GSAP: variants seen among roughly 807,000 people sequenced by gnomAD.
GSAP encodes the protein gamma-secretase-activating protein.
Under a neutral mutation model 131.7 loss-of-function variants are expected in GSAP, and 118 were observed. That is an observed-to-expected ratio of 0.90 (90% CI 0.77 to 1.04). The LOEUF (loss-of-function observed/expected upper bound fraction) is 1.04, where lower values mean the gene tolerates loss of function less well. Ranked by LOEUF, GSAP falls within the 50% of genes least tolerant of loss-of-function variation. The pLI, the probability that GSAP is intolerant of heterozygous loss-of-function variation, is 0.00. For missense variants in GSAP, 1,019 were observed against 1,013.2 expected, an observed-to-expected ratio of 1.01 and a Z score of -0.08; for synonymous variants, 381 against 363.4, an observed-to-expected ratio of 1.05 and a Z score of -0.55.
Position 77,397,405 on chromosome 7 carries a change from G to A in GSAP, c.254C>T (p.Thr85Ile), listed in dbSNP as rs1325993822. 2 of 1,571,770 alleles carry A rather than the reference G, an allele frequency of 1.3e-6. No homozygotes were observed. The highest frequency in any genetic ancestry group is 1.1e-5 in the South Asian group (1 of 87,644). The change falls in exon 4 of 31, where the codon ACC becomes ATC. Residue 85 changes from threonine to isoleucine, a missense_variant. Thr to Ile is a moderately conservative substitution (Grantham distance 89, BLOSUM62 -1). Coordinates refer to ENST00000257626, the MANE Select transcript of GSAP (RefSeq NM_017439.4). ...GAAAACTTGCAAGTCTTTCTCAAAG[G>A]TATATAGAAGCTATTAAAACAAAAA... is the stretch of plus-strand genomic sequence containing the variant. ...CQTRQNELLYTFEKDLQVFSC... is the reference protein window; with the variant it reads ...CQTRQNELLYIFEKDLQVFSC...
chr7:77,385,836 T>C (rs1469531831), intron 6 of GSAP, among the ~76,000 whole-genome samples: 3 of 152,060 alleles, frequency 2.0e-5, no homozygotes, highest in Non-Finnish European at 2.9e-5. Flanking sequence ...TGGTAATAGC[T>C]TGGGGGACAA....
At chr7:77,339,121 G>T (rs1055125216) in intron 19 of GSAP, among the ~76,000 whole-genome samples, 3 of 152,172 alleles carry the variant, frequency 2.0e-5, no homozygotes, top group Non-Finnish European at 4.4e-5. Flanking sequence ...AGTATGGCAA[G>T]AACAGTCACA....
At chr7:77,387,670 A>G (rs1458008856) in intron 5 of GSAP, among the ~76,000 whole-genome samples, 2 of 152,134 alleles carry the variant, frequency 1.3e-5, no homozygotes, top group Non-Finnish European at 2.9e-5. Context: ...ACCCCAAAAG[A>G]GCAATCAGCC....
intron 1 of GSAP, among the ~76,000 whole-genome samples, chr7:77,413,668 T>C (rs1216043014): frequency 6.6e-6 from 1 of 152,184 alleles, no homozygotes; most frequent in African/African-American, 2.4e-5. Context: ...ATTTTGCCCA[T>C]ACATATAGGC....
Position 77,339,757 on chromosome 7 carries a change from A to C in GSAP, c.1546-9390T>G, listed in dbSNP as rs1040582540. Among the ~76,000 whole-genome samples, 6 of 152,226 alleles carry C rather than the reference A, an allele frequency of 3.9e-5. No individual in the cohort carries two copies. In the East Asian group the frequency reaches 9.6e-4, roughly 24 times the overall value. On this transcript the variant is annotated intron_variant, in intron 19 of 30. Coordinates refer to ENST00000257626, the MANE Select transcript of GSAP (RefSeq NM_017439.4). ...AAACAAACAAGCCAGTGCAAAAAAG[A>C]AGCGACTTTGTTCCTAAGCAAAGCT...
intron 19 of GSAP, among the ~76,000 whole-genome samples, chr7:77,340,753 G>T (rs1790792018): frequency 6.6e-6 from 1 of 152,098 alleles, no homozygotes; most frequent in Non-Finnish European, 1.5e-5. Flanking sequence ...ATCACCGTGG[G>T]GATGCCTGCC....
chr7:77,383,348 G>A (rs1231694817), intron 6 of GSAP, among the ~76,000 whole-genome samples: 1 of 150,910 alleles, frequency 6.6e-6, no homozygotes, highest in Non-Finnish European at 1.5e-5. Context: ...ACACACAGAG[G>A]TCGATATAGT....
chr7:77,312,024 T>C, intron 29 of GSAP, 77 bp downstream of exon 29: 1 of 1,173,850 alleles, frequency 8.5e-7, no homozygotes, highest in Non-Finnish European at 1.3e-6. Flanking sequence ...CTGTAATTGC[T>C]GTCCATACAG....
At chr7:77,348,075 G>A (rs1048979891) in intron 19 of GSAP, among the ~76,000 whole-genome samples, 3 of 151,884 alleles carry the variant, frequency 2.0e-5, no homozygotes, top group African/African-American at 4.8e-5. Flanking sequence ...AGGCTGAGAC[G>A]GGAGGATTGC....
Position 77,323,721 on chromosome 7 carries a change from G to T in GSAP, c.1849C>A (p.His617Asn). 1.9e-6 allele frequency: 3 copies of T among 1,593,414 alleles called. No homozygotes were observed. The highest frequency in any genetic ancestry group is 2.6e-6 in the Non-Finnish European group (3 of 1,163,272). ...MGLMVSELKD[H>N]FLRHLQGVEK... is the part of the protein sequence containing the mutation. ...ACACCCTGTAGGTGTCTCAAAAAAT[G>T]GTCTTTTAGCTCAGACACCATCTGA... The change falls in exon 24 of 31, where the codon CAT becomes AAT. Residue 617 changes from histidine (H) to asparagine (N), a missense_variant. Coordinates refer to ENST00000257626, the MANE Select transcript of GSAP (RefSeq NM_017439.4).
Position 77,384,524 on chromosome 7 carries a change from C to G in GSAP, c.457-1881G>C, listed in dbSNP as rs1215804629. Among the ~76,000 whole-genome samples the G allele has an allele frequency of 2.6e-5, 4 of 151,396 alleles. No homozygotes were observed. The South Asian group carries it at 8.3e-4, about 32-fold the overall frequency. On this transcript the variant is annotated intron_variant, in intron 6 of 30. Transcript: ENST00000257626. Reference sequence around the variant, plus strand: ...ATTTACTTTGAAAAATTTATCTTCACAAATATGGAGCTAGACTTAGAATGA... The same window carrying G: ...ATTTACTTTGAAAAATTTATCTTCAGAAATATGGAGCTAGACTTAGAATGA...
intron 5 of GSAP, among the ~76,000 whole-genome samples, chr7:77,394,315 C>T (rs1426838610): frequency 1.3e-5 from 2 of 152,182 alleles, no homozygotes; most frequent in African/African-American, 4.8e-5. Context: ...TCTCACTGAC[C>T]TCCTCACTAT....
intron 19 of GSAP, among the ~76,000 whole-genome samples, chr7:77,334,577 ATT>A (rs1281737499): frequency 1.6e-5 from 2 of 122,566 alleles, no homozygotes; most frequent in Non-Finnish European, 3.4e-5. Context: ...GGAACTTAAA[ATT>A]TAAAAAAAAA....
At chr7:77,337,730 A>G (rs1790249738) in intron 19 of GSAP, among the ~76,000 whole-genome samples, 1 of 152,206 alleles carries the variant, frequency 6.6e-6, no homozygotes, top group Non-Finnish European at 1.5e-5. Context: ...AGACTGTGGT[A>G]AAAATATCCC....
intron 1 of GSAP, chr7:77,415,446 T>G (rs1488172511): frequency 6.6e-6 from 1 of 152,200 alleles, no homozygotes; most frequent in African/African-American, 2.4e-5. Flanking sequence ...AATCACAAAG[T>G]TCCCCTTCTT....
chr7:77,402,593 CAAAAAA>C (rs56739649), intron 3 of GSAP, among the ~76,000 whole-genome samples: 3 of 24,766 alleles, frequency 1.2e-4, no homozygotes, highest in Non-Finnish European at 1.8e-4. Flanking sequence ...GACTCTGTCT[CAAAAAA>C]AAAAAAAAAA....
At position 77,385,316 on chromosome 7, in the gene GSAP, G is replaced by A. The variant is rs573412314; in HGVS notation, c.456+2044C>T. ...CCTAAAGTGCTAGGATTATAGGCAT[G>A]AGCCACTGCGCCCAGCCACTTTTAA... is the stretch of plus-strand genomic sequence containing the variant. On this transcript the variant is annotated intron_variant, in intron 6 of 30. Coordinates refer to ENST00000257626, the MANE Select transcript of GSAP (RefSeq NM_017439.4). 2.0e-5 allele frequency among the ~76,000 whole-genome samples: 3 copies of A among 152,300 alleles called. No individual in the cohort carries two copies. In the South Asian group the frequency reaches 6.2e-4, roughly 32 times the overall value.
At chr7:77,376,805 G>A (rs547507767) in intron 10 of GSAP, 43 bp downstream of exon 10, 13 of 721,160 alleles carry the variant, frequency 1.8e-5, no homozygotes, top group Non-Finnish European at 2.9e-5. Context: ...AGAGAGTAAT[G>A]TATCATAAAC....
intron 13 of GSAP, 57 bp from the exon 14 acceptor site, chr7:77,360,958 C>T: frequency 1.0e-6 from 1 of 959,102 alleles, no homozygotes; most frequent in Non-Finnish European, 1.7e-6. Context: ...GAACTCCACC[C>T]AAGGCAGTGA....
Sources: gnomAD v4.1 joint callset for allele counts (sites outside exome capture counted in the v4.1 genomes callset) on GRCh38, gnomAD v4.1.1 for gene constraint, MANE v1.5 for transcripts, NCBI Gene and HGNC (gene_info 2026-07-23, HGNC 2026-07-21) for gene names.